The following MYO6 variants were observed in gnomAD, a reference collection of about 807,000 sequenced individuals.
MYO6 encodes the protein myosin VI, also known as unconventional myosin-VI.
In MYO6, 74 loss-of-function variants were observed where a neutral mutation model predicts 178.7. That is an observed-to-expected ratio of 0.41 (90% CI 0.34 to 0.50). The LOEUF (loss-of-function observed/expected upper bound fraction) is 0.50, where lower values mean the gene tolerates loss of function less well. Ranked by LOEUF, MYO6 falls within the 20% of genes least tolerant of loss-of-function variation. The pLI is 0.09. For missense variants in MYO6, 1,330 were observed against 1,547.4 expected (o/e 0.86, Z 2.36); for synonymous variants, 477 against 504.6 (o/e 0.95, Z 0.73).
At chr6:75,910,506 T>C (rs1780681204) in intron 32 of MYO6, among the ~76,000 whole-genome samples, 1 of 152,142 alleles carries the variant, frequency 6.6e-6, no homozygotes, top group Non-Finnish European at 1.5e-5. Context: ...GTTTGTAATA[T>C]ATTATTTAAG....
intron 30 of MYO6, 88 bp downstream of exon 30, chr6:75,898,499 A>G (rs1231236918): frequency 2.9e-5 from 31 of 1,062,746 alleles, no homozygotes; most frequent in African/African-American, 1.6e-5. Context: ...AGAACCTGTT[A>G]CATGAGTAGC....
At chr6:75,902,409 T>G (rs1418505537) in intron 30 of MYO6, among the ~76,000 whole-genome samples, 1 of 152,238 alleles carries the variant, frequency 6.6e-6, no homozygotes, top group Non-Finnish European at 1.5e-5. Flanking sequence ...CAGATCCTGT[T>G]ATTGGTCTAT....
intron 11 of MYO6, among the ~76,000 whole-genome samples, chr6:75,851,353 T>G (rs1453296992): frequency 6.6e-6 from 1 of 152,232 alleles, no homozygotes; most frequent in Non-Finnish European, 1.5e-5. Flanking sequence ...GATTAATATG[T>G]GATTCAATTA....
intron 28 of MYO6, 54 bp downstream of exon 28, chr6:75,892,744 C>G: frequency 2.5e-6 from 4 of 1,582,556 alleles, no homozygotes; most frequent in Admixed American, 1.7e-5. Context: ...TTCTCTACCT[C>G]TCTGCCTCTC....
chr6:75,868,045 T>A (rs1406655561), intron 18 of MYO6, among the ~76,000 whole-genome samples: 1 of 152,214 alleles, frequency 6.6e-6, no homozygotes, highest in East Asian at 1.9e-4. Context: ...TTTAAATATT[T>A]AAAATAATGT....
intron 1 of MYO6, among the ~76,000 whole-genome samples, chr6:75,753,531 G>C (rs889017841): frequency 6.7e-6 from 1 of 149,958 alleles, no homozygotes; most frequent in African/African-American, 2.5e-5. Context: ...GCATGATCTC[G>C]GCTTACTGCA....
At chr6:75,889,615 G>GT (rs1246204975) in intron 25 of MYO6, among the ~76,000 whole-genome samples, 1 of 152,184 alleles carries the variant, frequency 6.6e-6, no homozygotes, top group African/African-American at 2.4e-5. Context: ...GTTTCACTAT[G>GT]TTGGCCAGGC....
intron 1 of MYO6, among the ~76,000 whole-genome samples, chr6:75,798,914 A>T (rs978006739): frequency 2.6e-5 from 4 of 152,262 alleles, no homozygotes; most frequent in Non-Finnish European, 5.9e-5. Context: ...ATGTTTCAGG[A>T]CACAAAATAA....
At chr6:75,826,914 A>C (rs1772527579) in intron 3 of MYO6, among the ~76,000 whole-genome samples, 1 of 152,140 alleles carries the variant, frequency 6.6e-6, no homozygotes, top group Non-Finnish European at 1.5e-5. Flanking sequence ...TTTTGTCTCA[A>C]AAAAAGAAAA....
intron 14 of MYO6, among the ~76,000 whole-genome samples, chr6:75,859,881 A>C (rs1776057910): frequency 6.6e-6 from 1 of 151,802 alleles, no homozygotes; most frequent in African/African-American, 2.4e-5. Context: ...GCTGGTCTTG[A>C]ACTTCTGACC....
intron 28 of MYO6, among the ~76,000 whole-genome samples, chr6:75,894,011 C>G (rs932218918): frequency 3.3e-5 from 5 of 152,206 alleles, no homozygotes; most frequent in African/African-American, 1.2e-4. Flanking sequence ...CAAACTCTTA[C>G]AGCTGCTATC....
chr6:75,790,951 T>C (rs2150085001), intron 1 of MYO6, among the ~76,000 whole-genome samples: 1 of 152,288 alleles, frequency 6.6e-6, no homozygotes, highest in South Asian at 2.1e-4. Flanking sequence ...AGATATTTTT[T>C]GAGATGGAAT....
At chr6:75,899,708 T>TG in intron 30 of MYO6, among the ~76,000 whole-genome samples, 1 of 151,882 alleles carries the variant, frequency 6.6e-6, no homozygotes, top group East Asian at 1.9e-4. Context: ...TATTCTTTTT[T>TG]TTTTTTTTTC....
At chr6:75,874,332 A>G (rs1777394441) in intron 20 of MYO6, among the ~76,000 whole-genome samples, 1 of 152,216 alleles carries the variant, frequency 6.6e-6, no homozygotes, top group East Asian at 1.9e-4. Context: ...GGATGGCACC[A>G]GTTAAATTCA....
chr6:75,750,441 A>G (rs1042991314), intron 1 of MYO6, among the ~76,000 whole-genome samples: 3 of 151,550 alleles, frequency 2.0e-5, no homozygotes, highest in Non-Finnish European at 4.4e-5. Flanking sequence ...TGGTGGAGGG[A>G]TGCTTAAATC....
intron 1 of MYO6, among the ~76,000 whole-genome samples, chr6:75,758,387 T>C (rs1271775117): frequency 6.6e-6 from 1 of 152,186 alleles, no homozygotes; most frequent in African/African-American, 2.4e-5. Flanking sequence ...TTGGGGCTTA[T>C]AGCATTGTAT....
intron 1 of MYO6, among the ~76,000 whole-genome samples, chr6:75,776,361 TATA>T (rs1766384215): frequency 6.6e-6 from 1 of 152,230 alleles, no homozygotes; most frequent in African/African-American, 2.4e-5. Context: ...CAAGGGAACT[TATA>T]ATACTATTTT....
At chr6:75,805,421 G>C (rs1012040963) in intron 1 of MYO6, among the ~76,000 whole-genome samples, 1 of 152,168 alleles carries the variant, frequency 6.6e-6, no homozygotes, top group Non-Finnish European at 1.5e-5. Flanking sequence ...TTAATACATA[G>C]ATGTTATTGG....
intron 1 of MYO6, among the ~76,000 whole-genome samples, chr6:75,806,450 G>T (rs72654771): frequency 0.037 from 5,618 of 151,952 alleles, 229 homozygotes; most frequent in East Asian, 0.15. Context: ...CCAGGCAGAA[G>T]TACATCATTA....
Sources: gnomAD v4.1 joint callset for allele counts (sites outside exome capture counted in the v4.1 genomes callset) on GRCh38, gnomAD v4.1.1 for gene constraint, MANE v1.5 for transcripts, NCBI Gene and HGNC (gene_info 2026-07-23, HGNC 2026-07-21) for gene names.